The following TSPAN2 variants were observed in gnomAD, a reference collection of about 807,000 sequenced individuals.
TSPAN2 encodes the protein tetraspanin 2.
In TSPAN2, 24 loss-of-function variants were observed where a neutral mutation model predicts 33.3. The observed-to-expected ratio is 0.72, with a 90% CI of 0.52 to 1.01. The LOEUF (loss-of-function observed/expected upper bound fraction) is 1.01. TSPAN2 is among the 50% of genes least tolerant of loss of function. The probability of loss-of-function intolerance (pLI) is 0.00; values close to 1 mark genes in which losing one functional copy is unlikely to be tolerated. For missense variants in TSPAN2, 278 were observed against 281.3 expected, an observed-to-expected ratio of 0.99 and a Z score of 0.08; for synonymous variants, 114 against 104.5, an observed-to-expected ratio of 1.09 and a Z score of -0.56.
intron 2 of TSPAN2, among the ~76,000 whole-genome samples, chr1:115,064,794 G>A (rs1336856785): frequency 1.3e-5 from 2 of 152,192 alleles, no homozygotes; most frequent in Non-Finnish European, 2.9e-5. Context: ...AGCACATGAG[G>A]ATGGTTGCTT....
At chr1:115,073,034 C>T in intron 1 of TSPAN2, 27 bp from the exon 2 acceptor site, 2 of 1,590,980 alleles carry the variant, frequency 1.3e-6, no homozygotes, top group Non-Finnish European at 1.7e-6. Context: ...ACTGTGTTTA[C>T]AGTGGAAGGG....
chr1:115,078,989 G>A (rs1044139203), intron 1 of TSPAN2, among the ~76,000 whole-genome samples: 1 of 152,190 alleles, frequency 6.6e-6, no homozygotes, highest in African/African-American at 2.4e-5. Context: ...AGAGCACATA[G>A]TATCAGTTCT....
intron 2 of TSPAN2, among the ~76,000 whole-genome samples, chr1:115,070,435 T>C (rs1241141886): frequency 6.6e-6 from 1 of 151,502 alleles, no homozygotes; most frequent in Non-Finnish European, 1.5e-5. Context: ...TAATAATCTC[T>C]TTAAAGTACA....
chr1:115,069,399 C>T (rs1286347), intron 2 of TSPAN2, among the ~76,000 whole-genome samples: 4 of 152,038 alleles, frequency 2.6e-5, no homozygotes, highest in Non-Finnish European at 5.9e-5. Flanking sequence ...AGGATGGGCA[C>T]GAGGTCCAAT....
intron 1 of TSPAN2, among the ~76,000 whole-genome samples, chr1:115,079,926 C>A (rs942872935): frequency 6.6e-6 from 1 of 152,178 alleles, no homozygotes; most frequent in African/African-American, 2.4e-5. Flanking sequence ...GCAATTCAGG[C>A]CACAATAAAA....
chr1:115,077,259 T>G (rs11803609), intron 1 of TSPAN2, among the ~76,000 whole-genome samples: 1 of 151,488 alleles, frequency 6.6e-6, no homozygotes, highest in Non-Finnish European at 1.5e-5. Flanking sequence ...TGTGAGGTAC[T>G]CAGAGAATGT....
chr1:115,053,324 C>T (rs1453074705), intron 7 of TSPAN2, 55 bp downstream of exon 7: 2 of 1,500,210 alleles, frequency 1.3e-6, no homozygotes, highest in Non-Finnish European at 9.3e-7. Context: ...AAATAAGATG[C>T]AAAGTTTCAA....
At chr1:115,053,356 G>T in intron 7 of TSPAN2, 23 bp downstream of exon 7, 2 of 1,609,004 alleles carry the variant, frequency 1.2e-6, no homozygotes, top group Non-Finnish European at 1.7e-6. Context: ...GGGCAAAAAG[G>T]GTAAGTTCTA....
chr1:115,089,459 G>A lies in TSPAN2; in HGVS notation c.-27C>T, dbSNP rs1455004914. On this transcript the variant is annotated 5_prime_UTR_variant, in exon 1 of 8. Coordinates refer to ENST00000369516, the MANE Select transcript of TSPAN2 (RefSeq NM_005725.6). ...CTGCGGCCCGGCGGCGGGATCCCCA[G>A]TCCCCAGGCCCGCGCTACGAGCGCG... The A allele has an allele frequency of 1.3e-6, 2 of 1,532,832 alleles. No homozygotes were observed. Among genetic ancestry groups the A allele is most frequent in the South Asian group, 1.2e-5 (1 of 82,938 alleles). The allele number at this position is 1,532,832 out of a possible 1,614,324, so 95.0% of individuals were successfully genotyped here.
chr1:115,060,049 A>G (rs984767662), intron 4 of TSPAN2, among the ~76,000 whole-genome samples: 5 of 152,188 alleles, frequency 3.3e-5, no homozygotes, highest in South Asian at 4.1e-4. Flanking sequence ...ACAGCAGTGT[A>G]GGCTCTGCTC....
At chr1:115,068,532 A>G (rs1274125971) in intron 2 of TSPAN2, among the ~76,000 whole-genome samples, 2 of 152,220 alleles carry the variant, frequency 1.3e-5, no homozygotes, top group South Asian at 2.1e-4. Context: ...AGGGGTGATA[A>G]GAGTTTAATG....
At position 115,057,610 on chromosome 1, in the gene TSPAN2, T is replaced by C; in HGVS notation, c.445-2A>G. On this transcript the variant is annotated splice_acceptor_variant, in intron 5 of 7. Transcript: ENST00000369516. LOFTEE classifies it high-confidence loss of function. Reference sequence around the variant, plus strand: ...GCTTTCTTTTCCACAGCACTGAAACTAGAGAGTCAGAAAAGAGACTTCAGG... The same window carrying C: ...GCTTTCTTTTCCACAGCACTGAAACCAGAGAGTCAGAAAAGAGACTTCAGG... 2 of 1,613,950 alleles carry C rather than the reference T, an allele frequency of 1.2e-6. No individual in the cohort carries two copies. Among genetic ancestry groups the C allele is most frequent in the African/African-American group, 2.7e-5 (2 of 75,006 alleles).
chr1:115,060,511 C>A lies in TSPAN2; in HGVS notation c.298G>T (p.Ala100Ser). The A allele has an allele frequency of 6.2e-7, 1 of 1,613,502 alleles. No homozygotes were observed. The highest frequency in any genetic ancestry group is 8.5e-7 in the Non-Finnish European group (1 of 1,179,674). ...AATACTCCAGTGGTTACTTCAGCAG[C>A]AAATATCACCAGGAGGCAGGTAAAA... ...SFFTCLLVIF[A>S]AEVTTGVFAF... The change falls in exon 4 of 8, where the codon GCT becomes TCT. Residue 100 changes from alanine (A) to serine (S), a missense_variant. Physicochemically the swap from Ala to Ser is moderately conservative, Grantham distance 99 (BLOSUM62 1). Coordinates refer to ENST00000369516, the MANE Select transcript of TSPAN2 (RefSeq NM_005725.6).
intron 4 of TSPAN2, among the ~76,000 whole-genome samples, chr1:115,059,281 T>TA (rs11439084): frequency 0.82 from 124,046 of 151,270 alleles, 51,148 homozygotes; most frequent in East Asian, 0.99. Flanking sequence ...CCTGTAGAAA[T>TA]AAAAAAAAAT....
intron 1 of TSPAN2, among the ~76,000 whole-genome samples, chr1:115,078,558 A>G (rs1055310680): frequency 5.9e-5 from 9 of 152,232 alleles, no homozygotes; most frequent in Admixed American, 4.6e-4. Flanking sequence ...TAGTGCCCTT[A>G]TAAGAAGAGA....
chr1:115,052,665 C>G (rs1286077204), intron 7 of TSPAN2, among the ~76,000 whole-genome samples: 1 of 152,190 alleles, frequency 6.6e-6, no homozygotes, highest in Non-Finnish European at 1.5e-5. Context: ...TTCTTTTGTA[C>G]TTTAGAAGTA....
At chr1:115,055,686 G>A (rs1647393090) in intron 6 of TSPAN2, among the ~76,000 whole-genome samples, 1 of 152,014 alleles carries the variant, frequency 6.6e-6, no homozygotes, top group Non-Finnish European at 1.5e-5. Flanking sequence ...ACCACGCCTG[G>A]CTAATTTTTG....
At position 115,053,380 on chromosome 1, in the gene TSPAN2, G is replaced by A. The variant is rs777331815; in HGVS notation, c.599C>T (p.Thr200Met). The A allele has an allele frequency of 1.9e-5, 30 of 1,613,658 alleles. No individual in the cohort carries two copies. The highest frequency in any genetic ancestry group is 4.4e-5 in the South Asian group (4 of 91,070). ...GGGTAAGTTCTAGAACTTTCTCACC[G>A]TCAGACCTGCAATTCCAATACCGAC... ...GIVGIGIAGL[T>M]IFGMIFSMVL... Residue 200 changes from threonine (T) to methionine (M), a missense_variant and splice_region_variant, in exon 7 of 8, where the codon ACG becomes ATG. Physicochemically the swap from Thr to Met is moderately conservative, Grantham distance 81 (BLOSUM62 -1). Coordinates refer to ENST00000369516, the MANE Select transcript of TSPAN2 (RefSeq NM_005725.6).
At chr1:115,058,773 C>T (rs1647539360) in intron 5 of TSPAN2, 110 bp downstream of exon 5, 1 of 974,758 alleles carries the variant, frequency 1.0e-6, no homozygotes, top group Middle Eastern at 2.1e-4. Flanking sequence ...GGTGGTGCTA[C>T]TTGGCTTTAC....
Sources: gnomAD v4.1 joint callset for allele counts (sites outside exome capture counted in the v4.1 genomes callset) on GRCh38, gnomAD v4.1.1 for gene constraint, MANE v1.5 for transcripts, NCBI Gene and HGNC (gene_info 2026-07-23, HGNC 2026-07-21) for gene names.